PI4K2A: variants seen among roughly 807,000 people sequenced by gnomAD.
The protein encoded by PI4K2A is phosphatidylinositol 4-kinase type 2 alpha, also known as phosphatidylinositol 4-kinase type 2-alpha.
PI4K2A carries 20 observed loss-of-function variants against 55.0 expected under a neutral mutation model. The ratio of observed to expected loss-of-function variants is 0.36; its 90% CI spans 0.26 to 0.53. PI4K2A has a LOEUF of 0.53. Among genes scored for constraint, PI4K2A ranks in the 20% least tolerant of loss-of-function variants. The pLI is 0.91. For missense variants in PI4K2A, 463 were observed against 637.1 expected, an observed-to-expected ratio of 0.73 and a Z score of 2.94; for synonymous variants, 235 against 258.5, an observed-to-expected ratio of 0.91 and a Z score of 0.87.
In PI4K2A at chr10:97,660,590, G is replaced by A. The variant is rs192985205; in HGVS notation, c.923-2317G>A. 2.8e-4 allele frequency among the ~76,000 whole-genome samples: 43 copies of A among 151,998 alleles called. No individual in the cohort carries two copies. The East Asian group carries it at 3.9e-3, about 14-fold the overall frequency. ...ATTACAGGTGTGAGCCATCGAGCCC[G>A]GGCTCTTCTTTTCTAATATATGCAC... On this transcript the variant is annotated intron_variant, in intron 4 of 8. Coordinates refer to ENST00000370631, the Ensembl canonical transcript of PI4K2A.
chr10:97,666,384 A>G, intron 6 of PI4K2A, 54 bp from the exon 7 acceptor site: 2 of 1,572,650 alleles, frequency 1.3e-6, no homozygotes, highest in Non-Finnish European at 1.7e-6. Flanking sequence ...GAGGACACAG[A>G]TGAGCAGGGA....
rs186620041 is a variant in PI4K2A at position 97,665,662 on chromosome 10, G to A, written c.1084+678G>A. Among the ~76,000 whole-genome samples the A allele has an allele frequency of 6.1e-3, 924 of 151,050 alleles. 9 individuals are homozygous for A. Among genetic ancestry groups the A allele is most frequent in the African/African-American group, 0.017 (706 of 41,110 alleles). On this transcript the variant is annotated intron_variant, in intron 6 of 8. Coordinates refer to ENST00000370631, the Ensembl canonical transcript of PI4K2A. ...GGCTGGAGTGCAGTGGCGCGATCTC[G>A]GCTCACTGCAACCTCCTCCTCCTGG...
exon 9 of PI4K2A, chr10:97,674,173 A>C (rs1201785581): frequency 6.4e-6 from 1 of 155,168 alleles, no homozygotes; most frequent in Non-Finnish European, 1.4e-5. Context: ...ATCCAGGCCT[A>C]AATTTGCATA....
chr10:97,657,811 A>G (rs778031106), intron 4 of PI4K2A, among the ~76,000 whole-genome samples: 3 of 152,070 alleles, frequency 2.0e-5, no homozygotes, highest in Non-Finnish European at 4.4e-5. Flanking sequence ...TTGTTGTGCA[A>G]CTGTCACCAC....
At chr10:97,663,943 C>T (rs1286649066) in intron 5 of PI4K2A, among the ~76,000 whole-genome samples, 15 of 152,188 alleles carry the variant, frequency 9.9e-5, no homozygotes, top group Admixed American at 4.6e-4. Context: ...AGTCCTCTCA[C>T]CTCAGCCTCC....
At position 97,642,796 on chromosome 10, in the gene PI4K2A, G is replaced by GCT. The variant is rs2041477300; in HGVS notation, c.435+1620_435+1621dup. 2.5e-5 allele frequency among the ~76,000 whole-genome samples: 3 copies of GCT among 117,906 alleles called. 1 individual carries two copies. Among genetic ancestry groups the GCT allele is most frequent in the Non-Finnish European group, 4.1e-5 (2 of 49,368 alleles). 77.4% of individuals were successfully genotyped at this position (117,906 alleles called of 152,430 possible). ...TTAAATGTCAGCCAGAGGCTTGCTTGCTTTCTCTTTCTTCCTTCCTTCCTT... is the reference window on the plus strand; with the variant it reads ...TTAAATGTCAGCCAGAGGCTTGCTTGCTCTTTCTCTTTCTTCCTTCCTTCCTT... On this transcript the variant is annotated intron_variant, in intron 1 of 8. Transcript: ENST00000370631.
At chr10:97,647,102 G>A (rs1289783760) in intron 1 of PI4K2A, among the ~76,000 whole-genome samples, 2 of 152,052 alleles carry the variant, frequency 1.3e-5, no homozygotes, top group Non-Finnish European at 2.9e-5. Context: ...AATTGGTTGT[G>A]GGTTCTGACA....
intron 8 of PI4K2A, among the ~76,000 whole-genome samples, chr10:97,672,722 G>GTTTTTTTTTTTTTTT (rs201709914): frequency 1.1e-5 from 1 of 94,786 alleles, no homozygotes. Flanking sequence ...CAGAGGGTCT[G>GTTTTTTTTTTTTTTT]TTCTTTTTTT....
At chr10:97,642,866 T>TC (rs66740150) in intron 1 of PI4K2A, among the ~76,000 whole-genome samples, 166 of 4,608 alleles carry the variant, frequency 0.036, 7 homozygotes, top group Middle Eastern at 0.17. Flanking sequence ...TTTCTTTCTT[T>TC]TTCTTTCTTT....
chr10:97,655,157 G>A (rs531613393), intron 2 of PI4K2A, among the ~76,000 whole-genome samples: 1 of 152,132 alleles, frequency 6.6e-6, no homozygotes, highest in African/African-American at 2.4e-5. Flanking sequence ...ATCACCTGAG[G>A]TCAGGAGATC....
intron 4 of PI4K2A, among the ~76,000 whole-genome samples, chr10:97,661,735 A>C (rs1415789145): frequency 6.6e-6 from 1 of 152,098 alleles, no homozygotes; most frequent in African/African-American, 2.4e-5. Flanking sequence ...TATTTGTTGA[A>C]GAAACTGGAT....
chr10:97,655,595 C>T (rs915546635), intron 2 of PI4K2A, among the ~76,000 whole-genome samples: 2 of 151,712 alleles, frequency 1.3e-5, no homozygotes, highest in African/African-American at 2.4e-5. Context: ...TTTTTTGGGA[C>T]AGAGTCTCCC....
In PI4K2A at chr10:97,656,705, G is replaced by A; in HGVS notation, c.769-116G>A. The stretch of plus-strand genomic sequence containing the variant: ...AATGAGGAAGTAAAGATCTTGAAAA[G>A]TTTTCCTTCTCTGATACAAACTCCA... On this transcript the variant is annotated intron_variant, in intron 3 of 8. Coordinates refer to ENST00000370631, the Ensembl canonical transcript of PI4K2A. This position sits in a 1 kb window ranked among gnomAD's most constrained non-coding sequence, Gnocchi z 4.5. 1.1e-6 allele frequency: 1 copy of A among 933,426 alleles called. No homozygotes were observed. Among genetic ancestry groups the A allele is most frequent in the East Asian group, 2.4e-5 (1 of 41,394 alleles). 57.8% of individuals were successfully genotyped at this position (933,426 alleles called of 1,614,324 possible). A position where few individuals can be genotyped will look rare whatever the true frequency, so the allele number is the denominator to read the frequency against.
exon 9 of PI4K2A, chr10:97,673,642 C>T (rs148222937): frequency 5.6e-6 from 9 of 1,613,950 alleles, no homozygotes; most frequent in Middle Eastern, 3.3e-4. Flanking sequence ...GTCCAGATGC[C>T]ACCTGTGATT....
At chr10:97,650,907 GA>G in intron 1 of PI4K2A, 33 bp from the exon 2 acceptor site, 1 of 1,554,800 alleles carries the variant, frequency 6.4e-7, no homozygotes, top group African/African-American at 1.4e-5. Flanking sequence ...GGTCAACTCG[GA>G]TTTAACATCC....
intron 1 of PI4K2A, among the ~76,000 whole-genome samples, chr10:97,642,462 G>A (rs2135750484): frequency 6.7e-6 from 1 of 150,182 alleles, no homozygotes; most frequent in Admixed American, 6.6e-5. Context: ...GTGCAGTGGC[G>A]CGATCTCAGC....
At chr10:97,648,769 G>A (rs2041517220) in intron 1 of PI4K2A, among the ~76,000 whole-genome samples, 1 of 152,210 alleles carries the variant, frequency 6.6e-6, no homozygotes, top group South Asian at 2.1e-4. Flanking sequence ...TGCTACTGCT[G>A]CTTTGTTATT....
At chr10:97,642,892 C>CTTTCTTTCTCTCTCTCTCTCTCTCT (rs2041484471) in intron 1 of PI4K2A, among the ~76,000 whole-genome samples, 1 of 81,120 alleles carries the variant, frequency 1.2e-5, no homozygotes, top group African/African-American at 5.2e-5. Context: ...TTTCTTCCTT[C>CTTTCTTTCTCTCTCTCTCTCTCTCT]CTTCCTTCCT....
chr10:97,661,704 C>CT (rs887114517), intron 4 of PI4K2A, among the ~76,000 whole-genome samples: 32 of 151,002 alleles, frequency 2.1e-4, no homozygotes, highest in Non-Finnish European at 3.5e-4. Flanking sequence ...AGTTTCACAT[C>CT]TTTTTTTTTC....
Sources: allele counts gnomAD v4.1 joint callset (sites outside exome capture counted in the v4.1 genomes callset), GRCh38; gene constraint gnomAD v4.1.1; non-coding constraint Gnocchi (gnomAD v3.1); transcripts MANE v1.5; gene names NCBI Gene and HGNC (gene_info 2026-07-23, HGNC 2026-07-21).